The following VTI1A variants were observed in gnomAD, a reference collection of about 807,000 sequenced individuals.
The protein encoded by VTI1A is vesicle transport through interaction with t-SNAREs homolog 1A.
VTI1A carries 22 observed loss-of-function variants against 34.9 expected under a neutral mutation model. That is an observed-to-expected ratio of 0.63 (90% CI 0.45 to 0.90). The LOEUF is 0.90. Ranked by LOEUF, VTI1A falls within the 40% of genes least tolerant of loss-of-function variation. VTI1A has a pLI of 0.00. For synonymous variants in VTI1A, 87 were observed against 97.3 expected (o/e 0.89, Z 0.62); for missense variants, 268 against 275.6 (o/e 0.97, Z 0.20).
chr10:112,453,608 G>A (rs894083340), intron 1 of VTI1A, among the ~76,000 whole-genome samples: 1 of 151,904 alleles, frequency 6.6e-6, no homozygotes, highest in African/African-American at 2.4e-5. Flanking sequence ...ACCATTGGGA[G>A]CCTTTTTTTT....
chr10:112,778,274 T>C (rs895267254), intron 7 of VTI1A, among the ~76,000 whole-genome samples: 1 of 152,162 alleles, frequency 6.6e-6, no homozygotes, highest in South Asian at 2.1e-4. Context: ...CCCCATGTTG[T>C]TGAACTGAAG....
chr10:112,518,547 TTCTCTCTCTCTCTCTCTCTCTC>T (rs57853028), intron 3 of VTI1A, among the ~76,000 whole-genome samples: 19 of 101,540 alleles, frequency 1.9e-4, no homozygotes, highest in African/African-American at 6.5e-4. Flanking sequence ...TCATATCTCT[TTCTCTCTCTCTCTCTCTCTCTC>T]TCTCTCTCTC....
intron 7 of VTI1A, among the ~76,000 whole-genome samples, chr10:112,753,341 CT>C (rs1282913157): frequency 1.3e-5 from 2 of 151,954 alleles, no homozygotes; most frequent in Non-Finnish European, 2.9e-5. Context: ...CCCCAAGACA[CT>C]TTTGTCAACT....
chr10:112,590,817 A>G (rs1844359919), intron 5 of VTI1A, among the ~76,000 whole-genome samples: 1 of 152,174 alleles, frequency 6.6e-6, no homozygotes, highest in Admixed American at 6.5e-5. Flanking sequence ...AGAAAGAAAT[A>G]TGGCCAGGCA....
intron 5 of VTI1A, among the ~76,000 whole-genome samples, chr10:112,661,441 C>T (rs1289276608): frequency 1.3e-5 from 2 of 152,096 alleles, no homozygotes; most frequent in African/African-American, 4.8e-5. Flanking sequence ...CACAGATTTA[C>T]CATTTCTGAT....
intron 5 of VTI1A, among the ~76,000 whole-genome samples, chr10:112,572,564 C>A (rs6585159): frequency 0.02 from 3,108 of 152,286 alleles, 117 homozygotes; most frequent in African/African-American, 0.07. Flanking sequence ...TTCGGTCAGG[C>A]ATGGTGGCTC....
chr10:112,619,666 T>C (rs1845652403), intron 5 of VTI1A, among the ~76,000 whole-genome samples: 1 of 152,248 alleles, frequency 6.6e-6, no homozygotes, highest in Admixed American at 6.5e-5. Flanking sequence ...ACAATCGTCA[T>C]TCTCCTCGTG....
intron 7 of VTI1A, among the ~76,000 whole-genome samples, chr10:112,814,405 T>C (rs1374528267): frequency 6.6e-6 from 1 of 152,226 alleles, no homozygotes; most frequent in Non-Finnish European, 1.5e-5. Flanking sequence ...TGGGCACGGC[T>C]GTTTGACCTA....
chr10:112,795,376 A>AT (rs1482005293), intron 7 of VTI1A, among the ~76,000 whole-genome samples: 1 of 151,060 alleles, frequency 6.6e-6, no homozygotes, highest in South Asian at 2.1e-4. Flanking sequence ...ACTAAAAAAA[A>AT]TTTTTAAATA....
intron 7 of VTI1A, among the ~76,000 whole-genome samples, chr10:112,814,706 A>G (rs1454142806): frequency 6.6e-6 from 1 of 152,192 alleles, no homozygotes; most frequent in Non-Finnish European, 1.5e-5. Flanking sequence ...GAGCAAATGT[A>G]ACGTTTCCTC....
At chr10:112,687,631 A>T (rs901899336) in intron 7 of VTI1A, among the ~76,000 whole-genome samples, 5 of 151,912 alleles carry the variant, frequency 3.3e-5, no homozygotes, top group African/African-American at 1.2e-4. Flanking sequence ...TCTTGTCAAG[A>T]TATTATTTTG....
intron 5 of VTI1A, among the ~76,000 whole-genome samples, chr10:112,595,780 A>C (rs1844609875): frequency 1.3e-5 from 2 of 151,460 alleles, no homozygotes; most frequent in Non-Finnish European, 2.9e-5. Context: ...TAGAACTAGA[A>C]ATACCATTTG....
intron 7 of VTI1A, among the ~76,000 whole-genome samples, chr10:112,751,002 C>G (rs965165405): frequency 6.6e-6 from 1 of 152,106 alleles, no homozygotes; most frequent in Non-Finnish European, 1.5e-5. Flanking sequence ...GTTGGTTTTC[C>G]CCTATTTTTA....
chr10:112,636,113 G>A (rs1410851570), intron 5 of VTI1A, among the ~76,000 whole-genome samples: 1 of 152,182 alleles, frequency 6.6e-6, no homozygotes, highest in East Asian at 1.9e-4. Flanking sequence ...CCGAGGGTTG[G>A]GCTCTGAATG....
At chr10:112,786,645 T>C (rs1338612868) in intron 7 of VTI1A, among the ~76,000 whole-genome samples, 1 of 152,216 alleles carries the variant, frequency 6.6e-6, no homozygotes, top group Non-Finnish European at 1.5e-5. Flanking sequence ...GTTTCTATCA[T>C]GAGTAGGTGT....
At chr10:112,562,185 G>A (rs1851744678) in intron 5 of VTI1A, among the ~76,000 whole-genome samples, 1 of 152,180 alleles carries the variant, frequency 6.6e-6, no homozygotes, top group Non-Finnish European at 1.5e-5. Context: ...CAAACAGGCA[G>A]ACATAACTTA....
intron 7 of VTI1A, among the ~76,000 whole-genome samples, chr10:112,736,019 T>A (rs1205035200): frequency 8.8e-5 from 13 of 148,066 alleles, no homozygotes; most frequent in Non-Finnish European, 1.0e-4. Context: ...TTTTAAAACA[T>A]ATTTTATATT....
intron 5 of VTI1A, among the ~76,000 whole-genome samples, chr10:112,626,965 G>A (rs547348417): frequency 6.6e-6 from 1 of 152,196 alleles, no homozygotes; most frequent in African/African-American, 2.4e-5. Context: ...TGCAAACACA[G>A]CTTGCTGAAA....
At chr10:112,462,294 C>A (rs1055469215) in intron 2 of VTI1A, among the ~76,000 whole-genome samples, 1 of 152,238 alleles carries the variant, frequency 6.6e-6, no homozygotes, top group African/African-American at 2.4e-5. Context: ...CCACTCTGCA[C>A]TGGCCACATA....
Sources: gnomAD v4.1 joint callset for allele counts (sites outside exome capture counted in the v4.1 genomes callset) on GRCh38, gnomAD v4.1.1 for gene constraint, MANE v1.5 for transcripts, NCBI Gene and HGNC (gene_info 2026-07-23, HGNC 2026-07-21) for gene names.